Variants in AGAP2 observed in about 807,000 individuals in gnomAD.
AGAP2 encodes ArfGAP with GTPase domain, ankyrin repeat and PH domain 2, also known as arf-GAP with GTPase, ANK repeat and PH domain-containing protein 2.
AGAP2 carries 32 observed loss-of-function variants against 110.9 expected under a neutral mutation model. That is an observed-to-expected ratio of 0.29 (90% CI 0.22 to 0.39). The LOEUF (loss-of-function observed/expected upper bound fraction) is 0.39. Ranked by LOEUF, AGAP2 falls within the 10% of genes least tolerant of loss-of-function variation. The probability of loss-of-function intolerance (pLI) is 1.00; values close to 1 mark genes in which losing one functional copy is unlikely to be tolerated. For synonymous variants in AGAP2, 702 were observed against 713.0 expected (o/e 0.98, Z 0.25); for missense variants, 1,285 against 1,638.5 (o/e 0.78, Z 3.72).
rs1314924486 is a variant in AGAP2, at chr12:57,737,548, C to T, written c.699G>A (p.Ser233=). 1.9e-6 allele frequency: 3 copies of T among 1,554,308 alleles called. No homozygotes were observed. The highest frequency in any genetic ancestry group is 1.9e-5 in the Admixed American group (1 of 51,282). The change falls in exon 1 of 19, where the codon TCG becomes TCA. Residue 233 remains serine (S), a synonymous_variant. Coordinates refer to ENST00000547588, the MANE Select transcript of AGAP2 (RefSeq NM_001122772.3). This position sits in a 1 kb window ranked among gnomAD's most constrained non-coding sequence, Gnocchi z 5.9. ...CGGCGGCGGTGGCGGCGGCAGAGAC[C>T]GAAGCTCCAGTCCCGGCGCTGCTCT... ...GSKSSAGTGA[S]VSAAATAAAA... is the part of the protein sequence containing the mutation.
In AGAP2 at chr12:57,727,003, G is replaced by C. The variant is rs1036978709; in HGVS notation, c.3307C>G (p.His1103Asp). 3 of 1,604,630 alleles carry C rather than the reference G, an allele frequency of 1.9e-6. No individual in the cohort carries two copies. In the African/African-American group the frequency reaches 4.0e-5, roughly 21 times the overall value. Residue 1103 changes from histidine (H) to aspartate (D), a missense_variant, in exon 18 of 19, where the codon CAC becomes GAC. His to Asp is a moderately conservative substitution (Grantham distance 81). Transcript: ENST00000547588. Reference protein sequence around the residue: ...SPLHLAAELAHVVITQLLLWY... With the variant: ...SPLHLAAELADVVITQLLLWY... Reference sequence around the variant, plus strand: ...AGCAGCAGTTGCGTGATGACGACGTGGGCGAGCTCGGCCGCCAGGTGGAGT... The same window carrying C: ...AGCAGCAGTTGCGTGATGACGACGTCGGCGAGCTCGGCCGCCAGGTGGAGT...
Position 57,737,388 on chromosome 12 carries a change from C to T in AGAP2, c.859G>A (p.Ala287Thr), listed in dbSNP as rs1180966435. The change falls in exon 1 of 19, where the codon GCC becomes ACC. Residue 287 changes from alanine (A) to threonine (T), a missense_variant. This residue lies in a region of AGAP2 where 844 missense variants were observed against 941.2 expected (regional missense o/e 0.90). Transcript: ENST00000547588. The surrounding 1 kb of genome is among the most constrained non-coding windows in gnomAD (Gnocchi z 5.9). ...DNSDLHPGPP[A>T]GSPPPLTLPP... is the part of the protein sequence containing the mutation. ...AGGGTTAGCGGAGGAGGAGAGCCGG[C>T]AGGCGGTCCCGGATGCAAGTCACTG... 3.1e-6 allele frequency: 5 copies of T among 1,613,746 alleles called. No homozygotes were observed. Among genetic ancestry groups the T allele is most frequent in the Non-Finnish European group, 4.2e-6 (5 of 1,179,842 alleles).
chr12:57,741,389 T>C (rs376741312), upstream of AGAP2, among the ~76,000 whole-genome samples: 46 of 152,240 alleles, frequency 3.0e-4, 1 homozygote, highest in African/African-American at 1.1e-3. Context: ...GAGCATAGTG[T>C]GTGAGAGTTA....
chr12:57,726,377 A>T lies in AGAP2; in HGVS notation c.*175T>A. 1 of 470,338 alleles carries T rather than the reference A, an allele frequency of 2.1e-6. No individual in the cohort carries two copies. The highest frequency in any genetic ancestry group is 3.1e-6 in the Non-Finnish European group (1 of 321,422). 29.1% of individuals were successfully genotyped at this position (470,338 alleles called of 1,614,324 possible). A position where few individuals can be genotyped will look rare whatever the true frequency, so the allele number is the denominator to read the frequency against. On this transcript the variant is annotated 3_prime_UTR_variant, in exon 19 of 19. Transcript: ENST00000547588. The surrounding 1 kb of genome is among the most constrained non-coding windows in gnomAD (Gnocchi z 5.7). ...TCTCCATGCCTCGTTGGGGAGAGGG[A>T]GGTGAGTTTGTGTCTTCTGGAAGGC...
At chr12:57,739,385 C>T (rs1214500616), upstream of AGAP2, among the ~76,000 whole-genome samples, 1 of 152,172 alleles carries the variant, frequency 6.6e-6, no homozygotes, top group Non-Finnish European at 1.5e-5. Context: ...CACACCACCA[C>T]ATTTAATACT....
chr12:57,731,087 G>A, intron 10 of AGAP2, 134 bp from the exon 11 acceptor site: 1 of 988,534 alleles, frequency 1.0e-6, no homozygotes, highest in East Asian at 2.6e-5. Context: ...TGAACATCTA[G>A]GGGATGGGCC....
Position 57,727,448 on chromosome 12 carries a change from C to G in AGAP2, c.2992G>C (p.Val998Leu), listed in dbSNP as rs1433307836. 3 of 1,613,650 alleles carry G rather than the reference C, an allele frequency of 1.9e-6. No individual in the cohort carries two copies. The highest frequency in any genetic ancestry group is 1.7e-5 in the Admixed American group (1 of 59,990). Residue 998 changes from valine to leucine, a missense_variant, in exon 17 of 19, where the codon GTG (valine) becomes CTG (leucine). Val to Leu is a conservative substitution (Grantham distance 32). Coordinates refer to ENST00000547588, the MANE Select transcript of AGAP2 (RefSeq NM_001122772.3). ...LDDWPRELTL[V>L]LTAIGNDTAN... ...GTGTCGTTGCCAATAGCCGTCAGCA[C>G]CAGGGTCAGCTCCCGTGGCCAGTCG...
At chr12:57,735,520 C>CG (rs1021211251) in intron 1 of AGAP2, 93 bp from the exon 2 acceptor site, 2 of 936,558 alleles carry the variant, frequency 2.1e-6, no homozygotes, top group Non-Finnish European at 3.1e-6. Context: ...AGCTTTCCAA[C>CG]CCCCCCCCAA....
rs1014378225 is a variant in AGAP2 at position 57,735,421 on chromosome 12, A to C, written c.1175T>G (p.Val392Gly). Residue 392 changes from valine (V) to glycine (G), a missense_variant, in exon 2 of 19, where the codon GTG becomes GGG. By Grantham distance (109) the Val-to-Gly change is moderately radical. This residue lies in a region of AGAP2 where 844 missense variants were observed against 941.2 expected (regional missense o/e 0.90). Coordinates refer to ENST00000547588, the MANE Select transcript of AGAP2 (RefSeq NM_001122772.3). ...CAAAGTCCATTCCTGGCTATTGATC[A>C]CAGCCTCTGTAACGGGAGAAGGGCA... is the stretch of plus-strand genomic sequence containing the variant. ...GAELRASPKA[V>G]INSQEWTLSR... is the part of the protein sequence containing the mutation. The C allele has an allele frequency of 6.2e-7, 1 of 1,613,654 alleles. No homozygotes were observed. Among genetic ancestry groups the C allele is most frequent in the Non-Finnish European group, 8.5e-7 (1 of 1,179,908 alleles).
upstream of AGAP2, among the ~76,000 whole-genome samples, chr12:57,740,514 A>G (rs527565879): frequency 6.6e-6 from 1 of 152,300 alleles, no homozygotes; most frequent in African/African-American, 2.4e-5. Flanking sequence ...ACTTATGAGG[A>G]GTGAAGCCTT....
intron 9 of AGAP2, 23 bp from the exon 10 acceptor site, chr12:57,731,493 T>C (rs761163854): frequency 1.5e-5 from 24 of 1,613,708 alleles, no homozygotes; most frequent in South Asian, 9.9e-5. Flanking sequence ...GAAAGACACA[T>C]GTGGGAAAAA....
intron 13 of AGAP2, 70 bp downstream of exon 13, chr12:57,729,569 G>A: frequency 6.4e-7 from 1 of 1,561,524 alleles, no homozygotes; most frequent in Non-Finnish European, 8.6e-7. Flanking sequence ...TGCTGCAGGA[G>A]TTAGGCCAGG....
chr12:57,730,247 G>A, intron 12 of AGAP2: 1 of 530,122 alleles, frequency 1.9e-6, no homozygotes, highest in Non-Finnish European at 3.3e-6. Flanking sequence ...TGAGGAAACT[G>A]AGGCACGGAG....
At chr12:57,738,844 G>A (rs1437255445), upstream of AGAP2, among the ~76,000 whole-genome samples, 1 of 139,904 alleles carries the variant, frequency 7.1e-6, no homozygotes, top group Admixed American at 7.0e-5. This position sits in a 1 kb window ranked among gnomAD's most constrained non-coding sequence, Gnocchi z 6.7. Context: ...AGGTGGGTGG[G>A]AACCCACGGG....
chr12:57,726,880 C>A lies in AGAP2; in HGVS notation c.3337-86G>T, dbSNP rs1954775251. On this transcript the variant is annotated intron_variant, in intron 18 of 18. Transcript: ENST00000547588. This position sits in a 1 kb window ranked among gnomAD's most constrained non-coding sequence, Gnocchi z 5.7. Reference sequence around the variant, plus strand: ...CTCCCCCACATGGCCAAGCCTACTTCCGGGGTCCCTCTGGGAATTTCGGGC... The same window carrying A: ...CTCCCCCACATGGCCAAGCCTACTTACGGGGTCCCTCTGGGAATTTCGGGC... 1.4e-6 allele frequency: 2 copies of A among 1,460,224 alleles called. No homozygotes were observed. Among genetic ancestry groups the A allele is most frequent in the Admixed American group, 2.6e-5 (1 of 38,536 alleles). The allele number at this position is 1,460,224 out of a possible 1,614,324, so 90.5% of individuals were successfully genotyped here. A position where few individuals can be genotyped will look rare whatever the true frequency, so the allele number is the denominator to read the frequency against.
Position 57,727,760 on chromosome 12 carries a change from G to A in AGAP2, c.2778C>T (p.Asp926=). The A allele has an allele frequency of 1.9e-6, 3 of 1,581,832 alleles. No individual in the cohort carries two copies. The Middle Eastern group carries it at 5.1e-4, about 268-fold the overall frequency. ...CESSKVKLRT[D]SQSEAVAIQA... ...GGATGGCCACGGCCTCGCTTTGGCT[G>A]TCTGTGCGCAGCTGCAGAGAGGGTT... Residue 926 remains aspartate, a synonymous_variant, in exon 16 of 19, where the codon GAC becomes GAT. Transcript: ENST00000547588.
rs778917153 is a variant in AGAP2 at position 57,726,543 on chromosome 12, G to T, written c.*9C>A. 21 of 1,213,622 alleles carry T rather than the reference G, an allele frequency of 1.7e-5. No homozygotes were observed. The highest frequency in any genetic ancestry group is 2.2e-5 in the Non-Finnish European group (21 of 974,792). 75.2% of individuals were successfully genotyped at this position (1,213,622 alleles called of 1,614,324 possible). On this transcript the variant is annotated 3_prime_UTR_variant, in exon 19 of 19. Transcript: ENST00000547588. The surrounding 1 kb of genome is among the most constrained non-coding windows in gnomAD (Gnocchi z 5.7). ...GCGTGGGGATGGGGGTGTCTCTCCC[G>T]CTGGGCAACTATACCAGCGCAACCG...
At chr12:57,731,721 G>A (rs1011829091) in intron 8 of AGAP2, 79 bp from the exon 9 acceptor site, 137 of 1,597,542 alleles carry the variant, frequency 8.6e-5, no homozygotes, top group Admixed American at 1.9e-4. Context: ...AGATGAAGAA[G>A]GGCCCAACAG....
intron 14 of AGAP2, 78 bp from the exon 15 acceptor site, chr12:57,728,163 A>C (rs1954809704): frequency 6.5e-7 from 1 of 1,542,404 alleles, no homozygotes; most frequent in African/African-American, 1.4e-5. Flanking sequence ...GTCCTCCCTG[A>C]TGTCCATCCC....
Sources: allele counts gnomAD v4.1 joint callset (sites outside exome capture counted in the v4.1 genomes callset), GRCh38; gene constraint gnomAD v4.1.1; regional missense constraint gnomAD v4.1.1; non-coding constraint Gnocchi (gnomAD v3.1); transcripts MANE v1.5; gene names NCBI Gene and HGNC (gene_info 2026-07-23, HGNC 2026-07-21).